Variants in FBXL17 observed in about 807,000 individuals in gnomAD.
The protein encoded by FBXL17 is F-box and leucine rich repeat protein 17.
Under a neutral mutation model 66.2 loss-of-function variants are expected in FBXL17, and 22 were observed. That is an observed-to-expected ratio of 0.33 (90% confidence interval 0.24 to 0.47). The LOEUF is 0.47. FBXL17 is among the 20% of genes least tolerant of loss of function. The pLI, the probability that FBXL17 is intolerant of heterozygous loss-of-function variation, is 1.00. For synonymous variants in FBXL17, 474 were observed against 400.5 expected, an observed-to-expected ratio of 1.18 and a Z score of -2.19; for missense variants, 878 against 948.2, an observed-to-expected ratio of 0.93 and a Z score of 0.97.
At chr5:108,227,115 T>C (rs1267286405) in intron 4 of FBXL17, among the ~76,000 whole-genome samples, 1 of 152,190 alleles carries the variant, frequency 6.6e-6, no homozygotes, top group African/African-American at 2.4e-5. Flanking sequence ...GAACCATGAC[T>C]AATACCTTGA....
intron 6 of FBXL17, among the ~76,000 whole-genome samples, chr5:108,041,575 T>C (rs551259765): frequency 8.8e-4 from 134 of 151,880 alleles, no homozygotes; most frequent in African/African-American, 3.1e-3. Context: ...TGCCACCACA[T>C]CTGGCTAATT....
At chr5:108,009,096 A>T (rs1209417455) in intron 7 of FBXL17, among the ~76,000 whole-genome samples, 3 of 147,312 alleles carry the variant, frequency 2.0e-5, no homozygotes, top group African/African-American at 5.0e-5. Context: ...TTTCCACACA[A>T]TTTTTTTTCT....
chr5:107,939,313 G>C (rs142965441), intron 7 of FBXL17, among the ~76,000 whole-genome samples: 3 of 152,024 alleles, frequency 2.0e-5, no homozygotes, highest in Non-Finnish European at 4.4e-5. Flanking sequence ...TCATGATTTT[G>C]CACATCTGAG....
At chr5:107,958,139 G>GA (rs35443814) in intron 7 of FBXL17, among the ~76,000 whole-genome samples, 6,824 of 137,690 alleles carry the variant, frequency 0.05, 202 homozygotes, top group Non-Finnish European at 0.07. Context: ...GGAGTAGCTT[G>GA]AAAAAAAAAA....
intron 6 of FBXL17, among the ~76,000 whole-genome samples, chr5:108,058,618 G>A (rs548976424): frequency 6.6e-6 from 1 of 152,062 alleles, no homozygotes; most frequent in South Asian, 2.1e-4. Context: ...CCGAGTAGTT[G>A]GGATTACAGG....
At chr5:108,287,524 A>G (rs756579200) in intron 4 of FBXL17, among the ~76,000 whole-genome samples, 8 of 152,104 alleles carry the variant, frequency 5.3e-5, no homozygotes, top group Non-Finnish European at 1.2e-4. Flanking sequence ...AATGCTCAAC[A>G]TCACTAATCA....
chr5:107,934,147 A>G (rs1253329943), intron 7 of FBXL17, among the ~76,000 whole-genome samples: 1 of 152,034 alleles, frequency 6.6e-6, no homozygotes, highest in Non-Finnish European at 1.5e-5. Flanking sequence ...TACCTTTTTT[A>G]CTTTCCATGA....
At chr5:107,910,065 A>G (rs1042237145) in intron 7 of FBXL17, among the ~76,000 whole-genome samples, 2 of 151,714 alleles carry the variant, frequency 1.3e-5, no homozygotes, top group Non-Finnish European at 2.9e-5. Context: ...AAGCCACTCA[A>G]ATAAATGCAA....
chr5:108,053,990 C>T (rs1339975860), intron 6 of FBXL17, among the ~76,000 whole-genome samples: 3 of 152,054 alleles, frequency 2.0e-5, no homozygotes, highest in Non-Finnish European at 4.4e-5. Context: ...AAGCCATCAC[C>T]CTCAGCAAAC....
intron 4 of FBXL17, among the ~76,000 whole-genome samples, chr5:108,295,164 T>C (rs1029801258): frequency 1.3e-5 from 2 of 151,996 alleles, no homozygotes; most frequent in East Asian, 3.8e-4. Context: ...CGATTCCTAG[T>C]AAAATTTTAA....
intron 6 of FBXL17, among the ~76,000 whole-genome samples, chr5:108,080,973 T>C (rs1011538895): frequency 6.6e-6 from 1 of 152,176 alleles, no homozygotes; most frequent in Non-Finnish European, 1.5e-5. Flanking sequence ...GGAAAGGGAT[T>C]CTCTACAGAA....
chr5:107,942,518 T>C (rs1472212140), intron 7 of FBXL17, among the ~76,000 whole-genome samples: 1 of 152,180 alleles, frequency 6.6e-6, no homozygotes, highest in East Asian at 1.9e-4. Flanking sequence ...ACCATGAAGA[T>C]TTGCCCATTA....
intron 7 of FBXL17, among the ~76,000 whole-genome samples, chr5:107,982,264 G>A (rs186028532): frequency 1.6e-3 from 247 of 151,978 alleles, no homozygotes; most frequent in African/African-American, 5.9e-3. Context: ...GTACTTTAAG[G>A]TACATCAGGC....
At chr5:108,180,120 T>A (rs1752943580) in intron 6 of FBXL17, among the ~76,000 whole-genome samples, 1 of 152,214 alleles carries the variant, frequency 6.6e-6, no homozygotes, top group Admixed American at 6.5e-5. Context: ...AATTTTTAAA[T>A]ACTGTATATG....
intron 5 of FBXL17, among the ~76,000 whole-genome samples, chr5:108,210,066 C>A (rs1422526572): frequency 6.6e-6 from 1 of 152,118 alleles, no homozygotes; most frequent in Admixed American, 6.6e-5. Flanking sequence ...AGGAATGTAT[C>A]CATTTCTTCC....
intron 7 of FBXL17, among the ~76,000 whole-genome samples, chr5:107,995,948 C>T (rs151190341): frequency 6.6e-6 from 1 of 152,182 alleles, no homozygotes; most frequent in Non-Finnish European, 1.5e-5. Context: ...AGTGCAGTAG[C>T]TGAGTCTATA....
chr5:108,334,947 CAT>C (rs1760308173), intron 4 of FBXL17, among the ~76,000 whole-genome samples: 1 of 152,152 alleles, frequency 6.6e-6, no homozygotes, highest in African/African-American at 2.4e-5. Context: ...AAACAACGTA[CAT>C]ATTTACAAGA....
rs113696923 is a variant in FBXL17, at chr5:108,085,762, C to T, written c.1746-64761G>A. Reference sequence around the variant, plus strand: ...CCAGCCTGGGCAACATGGCAAAACCCGGTCTCAACAAAAAATACAAAAAAA... The same window carrying T: ...CCAGCCTGGGCAACATGGCAAAACCTGGTCTCAACAAAAAATACAAAAAAA... On this transcript the variant is annotated intron_variant, in intron 6 of 8. Coordinates refer to ENST00000542267, the MANE Select transcript of FBXL17 (RefSeq NM_001163315.3). Among the ~76,000 whole-genome samples, 10 of 152,210 alleles carry T rather than the reference C, an allele frequency of 6.6e-5. 1 individual carries two copies. Among genetic ancestry groups the T allele is most frequent in the Middle Eastern group, 3.4e-3 (1 of 294 alleles).
chr5:108,123,049 T>C (rs566281908), intron 6 of FBXL17, among the ~76,000 whole-genome samples: 79 of 151,180 alleles, frequency 5.2e-4, no homozygotes, highest in Non-Finnish European at 1.0e-3. Flanking sequence ...TTTTATTCTT[T>C]GGCTGCATAT....
Sources: allele counts gnomAD v4.1 joint callset (sites outside exome capture counted in the v4.1 genomes callset), GRCh38; gene constraint gnomAD v4.1.1; transcripts MANE v1.5; gene names NCBI Gene and HGNC (gene_info 2026-07-23, HGNC 2026-07-21).